CFAP46: variants seen among roughly 807,000 people sequenced by gnomAD.
The protein encoded by CFAP46 is cilia- and flagella-associated protein 46.
A neutral mutation model predicts 325.7 loss-of-function variants in CFAP46; 245 were observed. The observed-to-expected ratio is 0.75, with a 90% CI of 0.68 to 0.84. The LOEUF (loss-of-function observed/expected upper bound fraction) is 0.84. Among genes scored for constraint, CFAP46 ranks in the 40% least tolerant of loss-of-function variants. CFAP46 has a pLI of 0.00. For missense variants in CFAP46, 3,346 were observed against 3,543.0 expected (o/e 0.94, Z 1.41); for synonymous variants, 1,523 against 1,495.9 (o/e 1.02, Z -0.42).
chr10:132,942,376 G>GGGATCGTGGC lies in CFAP46; in HGVS notation c.49+59_49+60insGCCACGATCC. The stretch of plus-strand genomic sequence containing the variant: ...GAGGGTCCGGGGCCTCCCCGGGGCG[G>GGGATCGTGGC]GGGTCGTGGCGGGTCCCGGGGCCTC... On this transcript the variant is annotated intron_variant, in intron 1 of 57. Coordinates refer to ENST00000368586, the MANE Select transcript of CFAP46 (RefSeq NM_001200049.3). 10 of 1,347,542 alleles carry GGGATCGTGGC rather than the reference G, an allele frequency of 7.4e-6. 1 individual carries two copies. Among genetic ancestry groups the GGGATCGTGGC allele is most frequent in the Non-Finnish European group, 9.5e-6 (10 of 1,048,684 alleles). 83.5% of individuals were successfully genotyped at this position (1,347,542 alleles called of 1,614,324 possible).
chr10:132,842,118 C>A lies in CFAP46; in HGVS notation c.6438+3939G>T, dbSNP rs114976880. 9.2e-3 allele frequency among the ~76,000 whole-genome samples: 1,403 copies of A among 152,340 alleles called. 21 individuals are homozygous for A. Among genetic ancestry groups the A allele is most frequent in the African/African-American group, 0.032 (1,343 of 41,576 alleles). ...ACTTTTCTTTTGATGATAATTCCAT[C>A]TCCGAGTTATTTTTTCCCTTTTGCA... is the stretch of plus-strand genomic sequence containing the variant. On this transcript the variant is annotated intron_variant, in intron 44 of 57. Transcript: ENST00000368586.
chr10:132,821,601 C>T (rs1243909639), intron 50 of CFAP46, among the ~76,000 whole-genome samples: 1 of 118,640 alleles, frequency 8.4e-6, no homozygotes, highest in East Asian at 2.8e-4. Flanking sequence ...GTGCTGTGTG[C>T]TGTGTGTGCG....
At chr10:132,812,687 T>TG in intron 55 of CFAP46, 98 bp downstream of exon 55, 1 of 754,202 alleles carries the variant, frequency 1.3e-6, no homozygotes, top group Middle Eastern at 2.7e-4. Flanking sequence ...CCACAGGGGG[T>TG]GGGGGCAGCA....
chr10:132,918,531 T>C lies in CFAP46; in HGVS notation c.1859-11A>G, dbSNP rs12049725. On this transcript the variant is annotated splice_polypyrimidine_tract_variant and intron_variant, in intron 15 of 57. Coordinates refer to ENST00000368586, the MANE Select transcript of CFAP46 (RefSeq NM_001200049.3). ...CTCGCTTCTTCTTCCCTGAGAGAAATGGCAGCAGGTAAGGATCATGTTTTT... is the reference window on the plus strand; with the variant it reads ...CTCGCTTCTTCTTCCCTGAGAGAAACGGCAGCAGGTAAGGATCATGTTTTT... 1 of 1,513,714 alleles carries C rather than the reference T, an allele frequency of 6.6e-7. No individual in the cohort carries two copies. Among genetic ancestry groups the C allele is most frequent in the Non-Finnish European group, 8.9e-7 (1 of 1,122,436 alleles). 93.8% of individuals were successfully genotyped at this position (1,513,714 alleles called of 1,614,324 possible).
rs1036097718 is a variant in CFAP46, at chr10:132,922,253, G to C, written c.1486-29C>G. ...TGAAAAGCAGAGACTGATGAGCAAG[G>C]GGCCGCTGGACTTTCCACAGCACCT... is the stretch of plus-strand genomic sequence containing the variant. On this transcript the variant is annotated intron_variant, in intron 12 of 57. Coordinates refer to ENST00000368586, the MANE Select transcript of CFAP46 (RefSeq NM_001200049.3). 1.0e-5 allele frequency: 16 copies of C among 1,541,152 alleles called. No individual in the cohort carries two copies. In the Admixed American group the frequency reaches 3.0e-4, roughly 29 times the overall value.
chr10:132,942,018 G>C lies in CFAP46; in HGVS notation c.136C>G (p.Pro46Ala). ...TCTGCACACAGAACAAACAGGTCTG[G>C]GCTGAAGCTCTCTGAGGGGTCAAAC... ...SEFDPSESFSPDLFVLCAEQA... is the reference protein window; with the variant it reads ...SEFDPSESFSADLFVLCAEQA... The change falls in exon 2 of 58, where the codon CCA becomes GCA. Residue 46 changes from proline to alanine, a missense_variant. Transcript: ENST00000368586. The C allele has an allele frequency of 6.4e-7, 1 of 1,551,884 alleles. No homozygotes were observed.
At chr10:132,915,690 C>G (rs1849627430) in intron 17 of CFAP46, among the ~76,000 whole-genome samples, 1 of 152,386 alleles carries the variant, frequency 6.6e-6, no homozygotes, top group Admixed American at 6.5e-5. Context: ...CCCGAGCTTA[C>G]CACGTTCGTG....
chr10:132,938,975 C>T (rs1020120882), intron 4 of CFAP46, among the ~76,000 whole-genome samples: 26 of 152,174 alleles, frequency 1.7e-4, no homozygotes, highest in Admixed American at 1.2e-3. Context: ...CTGCGTCCGA[C>T]GTGCCATGGC....
Position 132,918,480 on chromosome 10 carries a change from G to C in CFAP46, c.1899C>G (p.Thr633=). Residue 633 remains threonine, a synonymous_variant, in exon 16 of 58, where the codon ACC becomes ACG. Coordinates refer to ENST00000368586, the MANE Select transcript of CFAP46 (RefSeq NM_001200049.3). ...GCAGGACGACCTCAGGCTGGCTCCA[G>C]GTGTCCTGCACCGAGCCGTCCCTAC... ...KRGRDGSVQD[T]WSQPEVVLQR... is the part of the protein sequence containing the mutation. 1.3e-6 allele frequency: 2 copies of C among 1,547,264 alleles called. No individual in the cohort carries two copies. The highest frequency in any genetic ancestry group is 2.4e-5 in the South Asian group (2 of 83,916).
intron 22 of CFAP46, among the ~76,000 whole-genome samples, chr10:132,904,408 G>A (rs910185748): frequency 6.6e-6 from 1 of 151,880 alleles, no homozygotes; most frequent in Non-Finnish European, 1.5e-5. Context: ...CCGCTGGGAC[G>A]CAATGACACC....
At chr10:132,816,328 CTTTTTTTTTTTT>C (rs1008391673) in intron 50 of CFAP46, among the ~76,000 whole-genome samples, 1 of 118,842 alleles carries the variant, frequency 8.4e-6, no homozygotes, top group African/African-American at 3.2e-5. Flanking sequence ...CTGACTTCTT[CTTTTTTTTTTTT>C]TTTTTTTTTG....
At chr10:132,812,184 G>T (rs1448229115) in intron 55 of CFAP46, among the ~76,000 whole-genome samples, 1 of 152,214 alleles carries the variant, frequency 6.6e-6, no homozygotes, top group African/African-American at 2.4e-5. Flanking sequence ...CCCTTGGGCC[G>T]TGGCGTGTGA....
chr10:132,910,320 C>T (rs146897263), intron 19 of CFAP46, among the ~76,000 whole-genome samples: 8 of 152,318 alleles, frequency 5.3e-5, no homozygotes, highest in African/African-American at 1.9e-4. Flanking sequence ...GCTGTCCCCA[C>T]GGCATGGGCC....
Position 132,877,939 on chromosome 10 carries a change from C to T in CFAP46, c.4154G>A (p.Arg1385Lys). 6.5e-7 allele frequency: 1 copy of T among 1,550,102 alleles called. No individual in the cohort carries two copies. The highest frequency in any genetic ancestry group is 8.7e-7 in the Non-Finnish European group (1 of 1,146,710). Residue 1385 changes from arginine to lysine, a missense_variant, in exon 30 of 58, where the codon AGG (arginine) becomes AAG (lysine). Physicochemically the swap from Arg to Lys is conservative, Grantham distance 26. Transcript: ENST00000368586. This position sits in a 1 kb window ranked among gnomAD's most constrained non-coding sequence, Gnocchi z 5.7. ...KERSKEKENE[R>K]SKEKDKEKGK... is the part of the protein sequence containing the mutation. Reference sequence around the variant, plus strand: ...CTTCTCCTTGTCCTTCTCTTTACTCCTCTCATTCTCCTTCTCTTTACTCCT... The same window carrying T: ...CTTCTCCTTGTCCTTCTCTTTACTCTTCTCATTCTCCTTCTCTTTACTCCT...
intron 50 of CFAP46, among the ~76,000 whole-genome samples, chr10:132,822,490 T>TGA (rs1245933523): frequency 7.8e-6 from 1 of 128,786 alleles, no homozygotes; most frequent in Non-Finnish European, 1.6e-5. Context: ...GTGTGCTGTG[T>TGA]GTGCTGATGT....
intron 44 of CFAP46, among the ~76,000 whole-genome samples, chr10:132,842,622 C>A (rs144069930): frequency 6.6e-4 from 100 of 152,328 alleles, no homozygotes; most frequent in African/African-American, 2.1e-3. Context: ...CTCCTGGTAC[C>A]AATTTTCTTA....
Position 132,902,166 on chromosome 10 carries a change from A to G in CFAP46, c.2925-2500T>C, listed in dbSNP as rs571510899. 2.5e-4 allele frequency among the ~76,000 whole-genome samples: 38 copies of G among 152,252 alleles called. 1 individual carries two copies. In the South Asian group the frequency reaches 3.9e-3, roughly 16 times the overall value. ...AATTCAACTTGTAAAATTTTCAGCC[A>G]TTATGTTTTCAAACGTGTGTATTTT... is the stretch of plus-strand genomic sequence containing the variant. On this transcript the variant is annotated intron_variant, in intron 22 of 57. Coordinates refer to ENST00000368586, the MANE Select transcript of CFAP46 (RefSeq NM_001200049.3).
intron 22 of CFAP46, among the ~76,000 whole-genome samples, chr10:132,902,692 C>T (rs969702648): frequency 7.2e-5 from 11 of 152,196 alleles, no homozygotes; most frequent in Non-Finnish European, 1.5e-5. Flanking sequence ...TTGCACACAT[C>T]TAGTAATTTC....
intron 34 of CFAP46, among the ~76,000 whole-genome samples, chr10:132,867,069 A>G (rs559315824): frequency 6.6e-5 from 10 of 152,260 alleles, no homozygotes; most frequent in African/African-American, 2.4e-4. Context: ...GAAATCAGTC[A>G]CAGGAAGCCC....
Sources: allele counts gnomAD v4.1 joint callset (sites outside exome capture counted in the v4.1 genomes callset), GRCh38; gene constraint gnomAD v4.1.1; non-coding constraint Gnocchi (gnomAD v3.1); transcripts MANE v1.5; gene names NCBI Gene and HGNC (gene_info 2026-07-23, HGNC 2026-07-21).